The following NIPBL variants were observed in gnomAD, a reference collection of about 807,000 sequenced individuals.
The protein encoded by NIPBL is nipped-B-like protein.
In NIPBL, 19 loss-of-function variants were observed where a neutral mutation model predicts 321.8. The ratio of observed to expected loss-of-function variants is 0.06; its 90% confidence interval spans 0.04 to 0.09. NIPBL has a LOEUF of 0.09. Among genes scored for constraint, NIPBL ranks in the 10% least tolerant of loss-of-function variants. The pLI, the probability that NIPBL is intolerant of heterozygous loss-of-function variation, is 1.00. For missense variants in NIPBL, 2,210 were observed against 3,327.0 expected, an observed-to-expected ratio of 0.66 and a Z score of 8.26; for synonymous variants, 1,106 against 1,114.1, an observed-to-expected ratio of 0.99 and a Z score of 0.14.
intron 10 of NIPBL, among the ~76,000 whole-genome samples, chr5:36,992,081 A>G (rs1302277375): frequency 6.6e-6 from 1 of 152,136 alleles, no homozygotes; most frequent in African/African-American, 2.4e-5. Context: ...CTTTAGCCAT[A>G]TTAAAGCCAG....
At position 37,052,420 on chromosome 5, in the gene NIPBL, A is replaced by G. The variant is rs369258718; in HGVS notation, c.7117A>G (p.Thr2373Ala). The change falls in exon 42 of 47, where the codon ACA becomes GCA. Residue 2373 changes from threonine to alanine, a missense_variant. This residue lies in a region of NIPBL where 112 missense variants were observed against 288.3 expected (regional missense o/e 0.39). Coordinates refer to ENST00000282516, the MANE Select transcript of NIPBL (RefSeq NM_133433.4). ...MSYQVQQAINTCLKDPVRGFR... is the reference protein window; with the variant it reads ...MSYQVQQAINACLKDPVRGFR... The stretch of plus-strand genomic sequence containing the variant: ...TTACCAGGTACAACAGGCAATCAAC[A>G]CATGCCTAAAAGATCCTGTAAGGGG... The G allele has an allele frequency of 4.3e-6, 7 of 1,614,014 alleles. 1 individual carries two copies. The highest frequency in any genetic ancestry group is 4.2e-6 in the Non-Finnish European group (5 of 1,179,984).
chr5:37,065,247 G>A lies in NIPBL; in HGVS notation c.*355G>A, dbSNP rs1296168186. The A allele has an allele frequency of 1.6e-5, 4 of 255,874 alleles. No homozygotes were observed. The highest frequency in any genetic ancestry group is 1.5e-5 in the Non-Finnish European group (2 of 130,992). 15.9% of individuals were successfully genotyped at this position (255,874 alleles called of 1,614,324 possible). A position where few individuals can be genotyped will look rare whatever the true frequency, so the allele number is the denominator to read the frequency against. Reference sequence around the variant, plus strand: ...CTTGGAGTTTAACCTAGCAGCGGATGGCTTTCTTTAGCTTAGCCCAGTTTC... The same window carrying A: ...CTTGGAGTTTAACCTAGCAGCGGATAGCTTTCTTTAGCTTAGCCCAGTTTC... On this transcript the variant is annotated 3_prime_UTR_variant, in exon 47 of 47. Transcript: ENST00000282516.
At chr5:37,007,624 T>G in intron 18 of NIPBL, 150 bp downstream of exon 18, 1 of 600,922 alleles carries the variant, frequency 1.7e-6, no homozygotes, top group Non-Finnish European at 2.9e-6. Flanking sequence ...GAAATAAAAC[T>G]TCAGGAGTTT....
At chr5:36,945,562 A>G (rs1376375534) in intron 1 of NIPBL, among the ~76,000 whole-genome samples, 1 of 152,186 alleles carries the variant, frequency 6.6e-6, no homozygotes, top group Non-Finnish European at 1.5e-5. Flanking sequence ...GGACACGCAT[A>G]TACATTATTG....
intron 37 of NIPBL, 26 bp downstream of exon 37, chr5:37,045,623 T>A: frequency 3.7e-6 from 6 of 1,608,014 alleles, no homozygotes; most frequent in Non-Finnish European, 5.1e-6. Flanking sequence ...CTTAAAATGC[T>A]ATAAAACATA....
At chr5:36,899,106 C>T (rs1232562418) in intron 1 of NIPBL, among the ~76,000 whole-genome samples, 8 of 152,154 alleles carry the variant, frequency 5.3e-5, no homozygotes, top group African/African-American at 1.7e-4. Context: ...TCCAAAATTT[C>T]TTTGATTCTC....
At chr5:37,032,645 T>G (rs1580532529) in intron 32 of NIPBL, among the ~76,000 whole-genome samples, 1 of 152,236 alleles carries the variant, frequency 6.6e-6, no homozygotes, top group African/African-American at 2.4e-5. Context: ...CATTGTGGCC[T>G]GTGCCTGTAA....
At chr5:36,898,749 G>C (rs1029083126) in intron 1 of NIPBL, among the ~76,000 whole-genome samples, 2 of 152,000 alleles carry the variant, frequency 1.3e-5, no homozygotes, top group Non-Finnish European at 2.9e-5. Flanking sequence ...GACCTCAGGC[G>C]ATCCACCCAC....
At chr5:37,047,341 A>C (rs1753086829) in intron 38 of NIPBL, among the ~76,000 whole-genome samples, 1 of 152,238 alleles carries the variant, frequency 6.6e-6, no homozygotes. Context: ...TATTTATATT[A>C]GTCTTTTGAA....
chr5:36,974,560 A>T (rs1049248420), intron 8 of NIPBL, among the ~76,000 whole-genome samples: 16 of 152,174 alleles, frequency 1.1e-4, no homozygotes, highest in African/African-American at 3.9e-4. Flanking sequence ...TTTTAAAGAT[A>T]ATACTCAAGA....
At chr5:36,983,918 C>T (rs1414438908) in intron 9 of NIPBL, among the ~76,000 whole-genome samples, 1 of 151,906 alleles carries the variant, frequency 6.6e-6, no homozygotes, top group Non-Finnish European at 1.5e-5. Context: ...GAACTGTTTC[C>T]TTCAGTGGAA....
At chr5:37,028,546 G>A (rs1750590914) in intron 32 of NIPBL, among the ~76,000 whole-genome samples, 1 of 151,848 alleles carries the variant, frequency 6.6e-6, no homozygotes, top group East Asian at 1.9e-4. Flanking sequence ...TCGCCATGTT[G>A]GCCAGGCTGG....
rs1004670276 is a variant in NIPBL at position 37,065,089 on chromosome 5, C to T, written c.*197C>T. 15 of 636,868 alleles carry T rather than the reference C, an allele frequency of 2.4e-5. No homozygotes were observed. The highest frequency in any genetic ancestry group is 3.8e-5 in the Non-Finnish European group (14 of 371,104). The allele number at this position is 636,868 out of a possible 1,614,324, so 39.5% of individuals were successfully genotyped here. A position where few individuals can be genotyped will look rare whatever the true frequency, so the allele number is the denominator to read the frequency against. ...CTGTTGTGCAGCAGAAACAGATTCT[C>T]AGTTCATTTTTACTCCCACTGTATT... is the stretch of plus-strand genomic sequence containing the variant. On this transcript the variant is annotated 3_prime_UTR_variant, in exon 47 of 47. Transcript: ENST00000282516.
chr5:37,022,116 G>A lies in NIPBL; in HGVS notation c.5394G>A (p.Glu1798=). The change falls in exon 28 of 47, where the codon GAG becomes GAA. Residue 1798 remains glutamate, a synonymous_variant. Coordinates refer to ENST00000282516, the MANE Select transcript of NIPBL (RefSeq NM_133433.4). The part of the protein sequence containing the change: ...VRTKAMKCLS[E]VVAVDPSILA... ...CAAAAGCCATGAAGTGTTTGTCTGA[G>A]GTTGTTGCTGTAGACCCCAGTATTC... The A allele has an allele frequency of 6.2e-7, 1 of 1,614,140 alleles. No individual in the cohort carries two copies. Among genetic ancestry groups the A allele is most frequent in the Non-Finnish European group, 8.5e-7 (1 of 1,180,020 alleles).
At position 37,008,714 on chromosome 5, in the gene NIPBL, G is replaced by A; in HGVS notation, c.4412G>A (p.Arg1471Lys). ...TTACCAACCAGCAAGAGGAGTTTAA[G>A]GAACTTCAGGTAATTAATTATAACA... ...ARLPTSKRSL[R>K]NFRLNSSDMD... Residue 1471 changes from arginine (R) to lysine (K), a missense_variant, in exon 20 of 47, where the codon AGG (arginine) becomes AAG (lysine). Physicochemically the swap from Arg to Lys is conservative, Grantham distance 26. Transcript: ENST00000282516. The A allele has an allele frequency of 6.4e-7, 1 of 1,567,578 alleles. No individual in the cohort carries two copies. Among genetic ancestry groups the A allele is most frequent in the Non-Finnish European group, 8.8e-7 (1 of 1,137,994 alleles).
intron 1 of NIPBL, among the ~76,000 whole-genome samples, chr5:36,923,570 G>A (rs1490857151): frequency 6.6e-6 from 1 of 151,888 alleles, no homozygotes; most frequent in Admixed American, 6.6e-5. Flanking sequence ...AACATTATGT[G>A]GTCTTTGGTT....
intron 9 of NIPBL, 38 bp downstream of exon 9, chr5:36,976,440 C>CAA: frequency 6.3e-7 from 1 of 1,595,578 alleles, no homozygotes; most frequent in Non-Finnish European, 8.5e-7. Context: ...ATCATCTGGG[C>CAA]AAATATGTAA....
At chr5:36,895,010 T>C (rs541838027) in intron 1 of NIPBL, among the ~76,000 whole-genome samples, 74 of 152,310 alleles carry the variant, frequency 4.9e-4, no homozygotes, top group Middle Eastern at 3.4e-3. Context: ...CACACTCTTA[T>C]AAACTGTAAA....
chr5:37,055,138 C>G (rs1450210667), intron 42 of NIPBL, among the ~76,000 whole-genome samples: 2 of 152,026 alleles, frequency 1.3e-5, no homozygotes, highest in Admixed American at 6.5e-5. Context: ...CACCTGAGGT[C>G]AGGAGTTCGA....
Sources: allele counts gnomAD v4.1 joint callset (sites outside exome capture counted in the v4.1 genomes callset), GRCh38; gene constraint gnomAD v4.1.1; regional missense constraint gnomAD v4.1.1; transcripts MANE v1.5; gene names NCBI Gene and HGNC (gene_info 2026-07-23, HGNC 2026-07-21).